PRORP: variants seen among roughly 807,000 people sequenced by gnomAD.
The protein encoded by PRORP is protein only RNase P catalytic subunit.
PRORP carries 51 observed loss-of-function variants against 59.4 expected under a neutral mutation model. That is an observed-to-expected ratio of 0.86 (90% CI 0.69 to 1.08). The LOEUF (loss-of-function observed/expected upper bound fraction) is 1.08. PRORP is among the 50% of genes least tolerant of loss of function. The pLI is 0.00. For missense variants in PRORP, 646 were observed against 690.3 expected, an observed-to-expected ratio of 0.94 and a Z score of 0.72; for synonymous variants, 231 against 245.6, an observed-to-expected ratio of 0.94 and a Z score of 0.55.
chr14:35,153,274 T>C (rs10146562), intron 4 of PRORP, among the ~76,000 whole-genome samples: 119,388 of 152,146 alleles, frequency 0.78, 47,242 homozygotes, highest in Non-Finnish European at 0.84. Flanking sequence ...CCTGCAATTG[T>C]AGGCACTTGG....
At chr14:35,228,298 A>G (rs185804255) in intron 5 of PRORP, among the ~76,000 whole-genome samples, 1 of 152,378 alleles carries the variant, frequency 6.6e-6, no homozygotes, top group Non-Finnish European at 1.5e-5. Flanking sequence ...TAGAGTTAAA[A>G]AAATAATTTC....
intron 4 of PRORP, among the ~76,000 whole-genome samples, chr14:35,150,203 T>G (rs952222662): frequency 6.6e-6 from 1 of 152,220 alleles, no homozygotes; most frequent in African/African-American, 2.4e-5. Flanking sequence ...AGCTTTTGAT[T>G]TAAAGTGTAA....
intron 5 of PRORP, chr14:35,235,336 G>T: frequency 1.4e-6 from 1 of 702,470 alleles, no homozygotes; most frequent in Non-Finnish European, 2.6e-6. Context: ...TAGCCAAAGT[G>T]TCTTTGTCTT....
rs2051279453 is a variant in PRORP, at chr14:35,275,231, AAGTT to A, written c.*1668_*1671del. 1 of 152,214 alleles carries A rather than the reference AAGTT, an allele frequency of 6.6e-6. No homozygotes were observed. The allele number at this position is 152,214 out of a possible 1,614,324, so 9.4% of individuals were successfully genotyped here. A position where few individuals can be genotyped will look rare whatever the true frequency, so the allele number is the denominator to read the frequency against. ...CATTTATGACAATATACCTCAAAGTAAGTTAGGGTAAGAAAAGATAATTACTTAC... is the reference window on the plus strand; with the variant it reads ...CATTTATGACAATATACCTCAAAGTAAGGGTAAGAAAAGATAATTACTTAC... On this transcript the variant is annotated 3_prime_UTR_variant, in exon 8 of 8. Transcript: ENST00000534898.
intron 5 of PRORP, among the ~76,000 whole-genome samples, chr14:35,191,697 C>A (rs931272597): frequency 3.3e-5 from 5 of 151,994 alleles, no homozygotes; most frequent in Non-Finnish European, 7.4e-5. Flanking sequence ...TCTCAAAAAC[C>A]AAAACCAAAA....
intron 5 of PRORP, among the ~76,000 whole-genome samples, chr14:35,221,650 T>C (rs902833827): frequency 6.6e-6 from 1 of 152,196 alleles, no homozygotes; most frequent in Non-Finnish European, 1.5e-5. Flanking sequence ...GGGCTTTGAC[T>C]CTGGAGCATA....
intron 4 of PRORP, among the ~76,000 whole-genome samples, chr14:35,149,519 AT>A (rs2047692927): frequency 6.6e-6 from 1 of 152,060 alleles, no homozygotes; most frequent in African/African-American, 2.4e-5. Context: ...GGCACCTTGC[AT>A]TTTTATGTTA....
In PRORP at chr14:35,134,258, C is replaced by T. The variant is rs186583265; in HGVS notation, c.1167+6647C>T. Reference sequence around the variant, plus strand: ...CAGAGGAGCCCCACCGTGTGGCCACCGCCACCACCAGCCCACAGGGAGTTC... The same window carrying T: ...CAGAGGAGCCCCACCGTGTGGCCACTGCCACCACCAGCCCACAGGGAGTTC... On this transcript the variant is annotated intron_variant, in intron 4 of 7. Coordinates refer to ENST00000534898, the MANE Select transcript of PRORP (RefSeq NM_014672.4). 2.6e-3 allele frequency among the ~76,000 whole-genome samples: 394 copies of T among 152,252 alleles called. 2 individuals are homozygous for T. Among genetic ancestry groups the T allele is most frequent in the African/African-American group, 8.9e-3 (369 of 41,538 alleles).
chr14:35,246,176 T>G (rs1397816961), intron 5 of PRORP, among the ~76,000 whole-genome samples: 1 of 152,152 alleles, frequency 6.6e-6, no homozygotes. Flanking sequence ...TGCTGTGACT[T>G]TGTATGGTCT....
At chr14:35,212,320 C>G (rs530668986) in intron 5 of PRORP, among the ~76,000 whole-genome samples, 18 of 152,314 alleles carry the variant, frequency 1.2e-4, no homozygotes, top group African/African-American at 4.3e-4. Context: ...AATGTTCTTG[C>G]TGGCATGTGG....
At chr14:35,190,932 CTT>C (rs2048867639) in intron 5 of PRORP, among the ~76,000 whole-genome samples, 1 of 152,128 alleles carries the variant, frequency 6.6e-6, no homozygotes, top group Non-Finnish European at 1.5e-5. Context: ...GATTGGATTT[CTT>C]TTTTCTTTTT....
chr14:35,162,319 G>C (rs191049907), intron 4 of PRORP, among the ~76,000 whole-genome samples: 2 of 152,080 alleles, frequency 1.3e-5, no homozygotes, highest in African/African-American at 2.4e-5. Flanking sequence ...TATATACTGT[G>C]ATCAGCAAAA....
intron 4 of PRORP, among the ~76,000 whole-genome samples, chr14:35,167,662 A>T (rs182621369): frequency 1.3e-5 from 2 of 152,330 alleles, no homozygotes; most frequent in African/African-American, 4.8e-5. Context: ...AATGCACAGG[A>T]AGTAATTAGA....
intron 6 of PRORP, among the ~76,000 whole-genome samples, chr14:35,267,291 C>G (rs191568234): frequency 4.6e-5 from 7 of 152,242 alleles, no homozygotes; most frequent in African/African-American, 1.7e-4. Context: ...GATAAACAAA[C>G]AGGTAATGTC....
At chr14:35,250,844 A>G (rs2050594647) in intron 5 of PRORP, among the ~76,000 whole-genome samples, 1 of 151,686 alleles carries the variant, frequency 6.6e-6, no homozygotes, top group Non-Finnish European at 1.5e-5. Flanking sequence ...GAGGTGGCCA[A>G]TCTCCATTTT....
chr14:35,233,065 ATC>A (rs903172457), intron 5 of PRORP, among the ~76,000 whole-genome samples: 55 of 152,208 alleles, frequency 3.6e-4, no homozygotes, highest in African/African-American at 1.3e-3. Context: ...TAAGAAATCC[ATC>A]TCTCTTCTGT....
Position 35,139,110 on chromosome 14 carries a change from A to G in PRORP, c.1167+11499A>G, listed in dbSNP as rs552729158. Among the ~76,000 whole-genome samples, 69 of 145,500 alleles carry G rather than the reference A, an allele frequency of 4.7e-4. 7 individuals carry two copies. The highest frequency in any genetic ancestry group is 9.0e-4 in the Non-Finnish European group (59 of 65,410). On this transcript the variant is annotated intron_variant, in intron 4 of 7. Transcript: ENST00000534898. ...CCGGCCAAAGATACTGATTTTTCATACAAGTCCTTTTGGTTTTGTTGTTAA... is the reference window on the plus strand; with the variant it reads ...CCGGCCAAAGATACTGATTTTTCATGCAAGTCCTTTTGGTTTTGTTGTTAA...
chr14:35,267,736 G>A (rs568614304), intron 6 of PRORP, among the ~76,000 whole-genome samples: 59 of 152,040 alleles, frequency 3.9e-4, no homozygotes, highest in Non-Finnish European at 7.9e-4. Flanking sequence ...AGCCGAGATC[G>A]CGCCACTGCA....
chr14:35,210,410 A>T (rs2049408522), intron 5 of PRORP, among the ~76,000 whole-genome samples: 1 of 152,162 alleles, frequency 6.6e-6, no homozygotes, highest in African/African-American at 2.4e-5. Context: ...GTACAAAGTC[A>T]TATAAAATAT....
Sources: gnomAD v4.1 joint callset for allele counts (sites outside exome capture counted in the v4.1 genomes callset) on GRCh38, gnomAD v4.1.1 for gene constraint, MANE v1.5 for transcripts, NCBI Gene and HGNC (gene_info 2026-07-23, HGNC 2026-07-21) for gene names.